The following PARD3 variants were observed in gnomAD, a reference collection of about 807,000 sequenced individuals.
The protein encoded by PARD3 is partitioning defective 3 homolog.
Under a neutral mutation model 155.4 loss-of-function variants are expected in PARD3, and 75 were observed. That is an observed-to-expected ratio of 0.48 (90% confidence interval 0.40 to 0.58). The LOEUF (loss-of-function observed/expected upper bound fraction) is 0.58. Among genes scored for constraint, PARD3 ranks in the 20% least tolerant of loss-of-function variants. The pLI, the probability that PARD3 is intolerant of heterozygous loss-of-function variation, is 0.00. For synonymous variants in PARD3, 576 were observed against 610.5 expected, an observed-to-expected ratio of 0.94 and a Z score of 0.83; for missense variants, 1,642 against 1,721.7, an observed-to-expected ratio of 0.95 and a Z score of 0.82.
intron 10 of PARD3, 48 bp from the exon 11 acceptor site, chr10:34,375,050 GAA>G: frequency 3.4e-6 from 3 of 893,850 alleles, no homozygotes; most frequent in East Asian, 3.0e-5. Flanking sequence ...GAAACAACAG[GAA>G]AACACACACA....
At chr10:34,445,104 G>A (rs1487812006) in intron 5 of PARD3, among the ~76,000 whole-genome samples, 1 of 152,074 alleles carries the variant, frequency 6.6e-6, no homozygotes, top group Non-Finnish European at 1.5e-5. Context: ...TGTACATGAT[G>A]CAATCCTCTT....
At chr10:34,398,000 T>C (rs541583537) in intron 7 of PARD3, among the ~76,000 whole-genome samples, 1 of 152,308 alleles carries the variant, frequency 6.6e-6, no homozygotes, top group South Asian at 2.1e-4. Flanking sequence ...TATAAGTTAT[T>C]TGAAGAAATT....
intron 1 of PARD3, among the ~76,000 whole-genome samples, chr10:34,760,493 G>A (rs749584396): frequency 1.3e-5 from 2 of 152,008 alleles, no homozygotes; most frequent in Non-Finnish European, 2.9e-5. Flanking sequence ...CACCATGCCC[G>A]GCTAATTTTT....
rs79147063 is a variant in PARD3, at chr10:34,657,205, G to A, written c.222+39113C>T. 9.5e-3 allele frequency among the ~76,000 whole-genome samples: 1,445 copies of A among 152,000 alleles called. 27 individuals are homozygous for A. Among genetic ancestry groups the A allele is most frequent in the African/African-American group, 0.033 (1,376 of 41,462 alleles). On this transcript the variant is annotated intron_variant, in intron 2 of 24. Transcript: ENST00000374788. The stretch of plus-strand genomic sequence containing the variant: ...AGGCCATAAGTTTGAGATCAGCCTG[G>A]GCAACAGAGGAGATCCCACCTCTAC...
intron 20 of PARD3, among the ~76,000 whole-genome samples, chr10:34,309,487 G>C (rs1957584007): frequency 7.5e-6 from 1 of 132,506 alleles, no homozygotes; most frequent in Non-Finnish European, 1.6e-5. Flanking sequence ...GAGCCCAGCA[G>C]TTCAAGGTGC....
At chr10:34,698,823 T>C (rs2094221268) in intron 1 of PARD3, among the ~76,000 whole-genome samples, 1 of 152,254 alleles carries the variant, frequency 6.6e-6, no homozygotes, top group African/African-American at 2.4e-5. Flanking sequence ...AAACCTTTTG[T>C]TGACACTACT....
In PARD3 at chr10:34,273,844, A is replaced by T. The variant is rs1955750562; in HGVS notation, c.3177-3945T>A. On this transcript the variant is annotated intron_variant, in intron 21 of 24. Transcript: ENST00000374788. The stretch of plus-strand genomic sequence containing the variant: ...ACCCCACTCTTGGTTTCCAATTTTG[A>T]ATACAGGGGATCAAATCTGTCTGAC... Among the ~76,000 whole-genome samples the T allele has an allele frequency of 2.0e-5, 3 of 152,134 alleles. No individual in the cohort carries two copies. The South Asian group carries it at 6.2e-4, about 32-fold the overall frequency.
chr10:34,610,645 G>C (rs767629022), intron 2 of PARD3, among the ~76,000 whole-genome samples: 15 of 152,138 alleles, frequency 9.9e-5, no homozygotes, highest in Non-Finnish European at 1.5e-4. Context: ...AGACAGATTA[G>C]GAGTTTCCTT....
At position 34,682,142 on chromosome 10, in the gene PARD3, G is replaced by A. The variant is rs79070855; in HGVS notation, c.222+14176C>T. Among the ~76,000 whole-genome samples the A allele has an allele frequency of 5.8e-4, 89 of 152,248 alleles. 2 individuals carry two copies. In the East Asian group the frequency reaches 0.017, roughly 29 times the overall value. Reference sequence around the variant, plus strand: ...CCTGTTGACACTACCCACAAGTGCTGATAACAAAATGCCTGATAGTGGACG... The same window carrying A: ...CCTGTTGACACTACCCACAAGTGCTAATAACAAAATGCCTGATAGTGGACG... On this transcript the variant is annotated intron_variant, in intron 2 of 24. Transcript: ENST00000374788.
chr10:34,766,281 G>C (rs1249786474), intron 1 of PARD3, among the ~76,000 whole-genome samples: 1 of 152,192 alleles, frequency 6.6e-6, no homozygotes, highest in African/African-American at 2.4e-5. Flanking sequence ...ATCACCCAAA[G>C]CTGACACTAG....
rs142964091 is a variant in PARD3, at chr10:34,222,690, C to G, written c.3419+46967G>C. ...CCAGATGCTCAGAACTGGATCAGCA[C>G]TTTACTTAATTTCTACCTTCAAAGG... On this transcript the variant is annotated intron_variant, in intron 22 of 24. Coordinates refer to ENST00000374788, the MANE Select transcript of PARD3 (RefSeq NM_001184785.2). 6.1e-3 allele frequency among the ~76,000 whole-genome samples: 922 copies of G among 152,326 alleles called. 9 individuals are homozygous for G. The highest frequency in any genetic ancestry group is 7.2e-3 in the Non-Finnish European group (488 of 68,034).
intron 2 of PARD3, among the ~76,000 whole-genome samples, chr10:34,553,047 C>T (rs918198959): frequency 3.3e-5 from 5 of 152,234 alleles, no homozygotes; most frequent in South Asian, 2.1e-4. Context: ...AACTAAACAA[C>T]GTACTATGTG....
At chr10:34,464,116 C>CG (rs2077857185) in intron 4 of PARD3, among the ~76,000 whole-genome samples, 2 of 111,936 alleles carry the variant, frequency 1.8e-5, no homozygotes, top group African/African-American at 8.2e-5. Flanking sequence ...CGAGGTCCTG[C>CG]GGGAAAAAAA....
At position 34,470,256 on chromosome 10, in the gene PARD3, A is replaced by G. The variant is rs1387766226; in HGVS notation, c.411T>C (p.Pro137=). ...GGTCACTACTGCGTCGAACATGAAG[A>G]GGCATATCTGTAAACACAAAAGCAC... ...VTPSVLRANM[P]LHVRRSSDPA... is the part of the protein sequence containing the mutation. Residue 137 remains proline (P), a synonymous_variant, in exon 4 of 25, where the codon CCT becomes CCC. Transcript: ENST00000374788. 5 of 1,594,382 alleles carry G rather than the reference A, an allele frequency of 3.1e-6. No homozygotes were observed. The South Asian group carries it at 5.7e-5, about 18-fold the overall frequency.
chr10:34,464,883 C>T (rs993213640), intron 4 of PARD3, among the ~76,000 whole-genome samples: 2 of 152,284 alleles, frequency 1.3e-5, no homozygotes, highest in Middle Eastern at 3.4e-3. Flanking sequence ...TACTACTCAT[C>T]TTCAAAATTT....
intron 4 of PARD3, among the ~76,000 whole-genome samples, chr10:34,459,297 G>A (rs914948056): frequency 2.0e-5 from 3 of 152,050 alleles, no homozygotes; most frequent in Admixed American, 6.6e-5. Flanking sequence ...CTCCAGCACA[G>A]CTGGGACTAC....
At chr10:34,731,603 T>C (rs750639508) in intron 1 of PARD3, among the ~76,000 whole-genome samples, 102 of 152,296 alleles carry the variant, frequency 6.7e-4, no homozygotes, top group Non-Finnish European at 1.2e-3. Flanking sequence ...CTTAAAGGGA[T>C]TGCAAAGACT....
chr10:34,434,732 C>T, intron 5 of PARD3, among the ~76,000 whole-genome samples: 1 of 152,144 alleles, frequency 6.6e-6, no homozygotes. Flanking sequence ...TTTAAAAATA[C>T]AATTGCCAAG....
chr10:34,296,569 T>C (rs1956921246), intron 20 of PARD3, among the ~76,000 whole-genome samples: 1 of 152,198 alleles, frequency 6.6e-6, no homozygotes, highest in South Asian at 2.1e-4. Context: ...AAATGAACTT[T>C]ATAAAGATCA....
Sources: gnomAD v4.1 joint callset for allele counts (sites outside exome capture counted in the v4.1 genomes callset) on GRCh38, gnomAD v4.1.1 for gene constraint, MANE v1.5 for transcripts, NCBI Gene and HGNC (gene_info 2026-07-23, HGNC 2026-07-21) for gene names.